Variants in RALGPS1 observed in about 807,000 individuals in gnomAD.
RALGPS1 encodes Ral GEF with PH domain and SH3 binding motif 1.
RALGPS1 carries 19 observed loss-of-function variants against 78.8 expected under a neutral mutation model. The ratio of observed to expected loss-of-function variants is 0.24; its 90% CI spans 0.17 to 0.35. The LOEUF (loss-of-function observed/expected upper bound fraction) is 0.35. Ranked by LOEUF, RALGPS1 falls within the 10% of genes least tolerant of loss-of-function variation. RALGPS1 has a pLI of 1.00. For synonymous variants in RALGPS1, 228 were observed against 256.3 expected (o/e 0.89, Z 1.06); for missense variants, 454 against 688.3 (o/e 0.66, Z 3.81).
chr9:127,002,433 C>CTTTTTTTTTTTT (rs11380006), intron 4 of RALGPS1, among the ~76,000 whole-genome samples: 11 of 117,416 alleles, frequency 9.4e-5, no homozygotes, highest in East Asian at 2.3e-4. Flanking sequence ...CACAAACATT[C>CTTTTTTTTTTTT]TTTTTTTTTT....
chr9:127,185,565 C>G (rs1362913032), intron 11 of RALGPS1, among the ~76,000 whole-genome samples: 2 of 152,218 alleles, frequency 1.3e-5, no homozygotes, highest in Non-Finnish European at 2.9e-5. Context: ...TAAATAAGAT[C>G]AGGTGTACAA....
At chr9:126,967,276 T>G (rs1246011876) in intron 3 of RALGPS1, among the ~76,000 whole-genome samples, 2 of 152,196 alleles carry the variant, frequency 1.3e-5, no homozygotes, top group Non-Finnish European at 2.9e-5. Context: ...CAGTACTCTC[T>G]ATGGTCTGGC....
chr9:127,215,402 C>A (rs1393756786), intron 18 of RALGPS1, among the ~76,000 whole-genome samples: 2 of 152,254 alleles, frequency 1.3e-5, no homozygotes, highest in Non-Finnish European at 2.9e-5. Flanking sequence ...TGGTCGCCCC[C>A]AGCCGTCCCA....
At chr9:126,929,858 A>G (rs958770587) in intron 1 of RALGPS1, among the ~76,000 whole-genome samples, 1 of 149,884 alleles carries the variant, frequency 6.7e-6, no homozygotes, top group Non-Finnish European at 1.5e-5. Context: ...TTCCTTTTTC[A>G]GAGATGGAGT....
At chr9:127,026,107 G>A (rs1253503377) in intron 4 of RALGPS1, among the ~76,000 whole-genome samples, 1 of 152,104 alleles carries the variant, frequency 6.6e-6, no homozygotes, top group East Asian at 1.9e-4. Flanking sequence ...CACGATCACA[G>A]GGTCCCATAA....
intron 8 of RALGPS1, among the ~76,000 whole-genome samples, chr9:127,134,913 C>G (rs937638222): frequency 3.9e-5 from 6 of 152,220 alleles, no homozygotes; most frequent in African/African-American, 1.4e-4. Context: ...TCTCCACCCC[C>G]TCTCCGGCCC....
chr9:127,153,147 T>A (rs752440798), intron 8 of RALGPS1, among the ~76,000 whole-genome samples: 1 of 152,202 alleles, frequency 6.6e-6, no homozygotes, highest in Non-Finnish European at 1.5e-5. Flanking sequence ...GCAGTCAAAC[T>A]GTCTGGGCTG....
intron 3 of RALGPS1, among the ~76,000 whole-genome samples, chr9:126,972,188 A>C (rs755989334): frequency 3.4e-4 from 52 of 152,320 alleles, no homozygotes; most frequent in Admixed American, 5.9e-4. Context: ...TAGGTAGAAG[A>C]AGCTCCCATT....
At chr9:127,115,911 G>A (rs2055361713) in intron 8 of RALGPS1, among the ~76,000 whole-genome samples, 3 of 152,204 alleles carry the variant, frequency 2.0e-5, no homozygotes, top group Non-Finnish European at 2.9e-5. Context: ...CGGAGGCCAG[G>A]GAGGGCATAT....
At chr9:127,134,598 A>C (rs919488080) in intron 8 of RALGPS1, among the ~76,000 whole-genome samples, 1 of 152,216 alleles carries the variant, frequency 6.6e-6, no homozygotes, top group African/African-American at 2.4e-5. Flanking sequence ...TATACAGATG[A>C]GGAAACCGAG....
intron 8 of RALGPS1, among the ~76,000 whole-genome samples, chr9:127,125,338 TG>T: frequency 1.3e-5 from 2 of 151,528 alleles, no homozygotes; most frequent in Admixed American, 1.3e-4. Flanking sequence ...TACAGAGGAG[TG>T]AATAAACGAA....
chr9:127,171,112 T>A (rs2059545708), intron 10 of RALGPS1, among the ~76,000 whole-genome samples: 1 of 152,258 alleles, frequency 6.6e-6, no homozygotes. Flanking sequence ...CAACCAGTGC[T>A]TTATTCCCCA....
At chr9:127,067,236 C>T (rs2049794156) in intron 7 of RALGPS1, among the ~76,000 whole-genome samples, 1 of 152,196 alleles carries the variant, frequency 6.6e-6, no homozygotes, top group Non-Finnish European at 1.5e-5. Context: ...AGCCATTGTC[C>T]TGAGCATCTG....
At chr9:127,079,793 T>C (rs1328207256) in intron 8 of RALGPS1, 1 of 152,210 alleles carries the variant, frequency 6.6e-6, no homozygotes, top group Non-Finnish European at 1.5e-5. Flanking sequence ...GACACCCAGC[T>C]AAGACATGCC....
At chr9:127,008,399 G>A (rs2044051435) in intron 4 of RALGPS1, among the ~76,000 whole-genome samples, 1 of 152,208 alleles carries the variant, frequency 6.6e-6, no homozygotes, top group Non-Finnish European at 1.5e-5. Flanking sequence ...GCTTGTGAAG[G>A]GATCTGGTTG....
intron 14 of RALGPS1, among the ~76,000 whole-genome samples, chr9:127,209,217 C>T (rs1588576042): frequency 6.6e-6 from 1 of 152,246 alleles, no homozygotes; most frequent in Non-Finnish European, 1.5e-5. Context: ...AGAGCAGCCC[C>T]GGAGGTAGCC....
At chr9:127,086,123 GAC>G (rs150056282) in intron 8 of RALGPS1, among the ~76,000 whole-genome samples, 5 of 151,948 alleles carry the variant, frequency 3.3e-5, no homozygotes, top group East Asian at 1.9e-4. Context: ...CGCGCACACG[GAC>G]ACACACACAC....
intron 8 of RALGPS1, among the ~76,000 whole-genome samples, chr9:127,095,204 C>A (rs1281467930): frequency 6.6e-6 from 1 of 152,230 alleles, no homozygotes; most frequent in East Asian, 1.9e-4. Flanking sequence ...CGAGACCATC[C>A]TGGCTAACAT....
chr9:127,107,663 A>C (rs2054350139), intron 8 of RALGPS1, among the ~76,000 whole-genome samples: 1 of 152,184 alleles, frequency 6.6e-6, no homozygotes, highest in Non-Finnish European at 1.5e-5. Context: ...CAGAAACCAG[A>C]GAGTGTTTGC....
Sources: gnomAD v4.1 joint callset for allele counts (sites outside exome capture counted in the v4.1 genomes callset) on GRCh38, gnomAD v4.1.1 for gene constraint, MANE v1.5 for transcripts, NCBI Gene and HGNC (gene_info 2026-07-23, HGNC 2026-07-21) for gene names.